The following CAMSAP3 variants were observed in gnomAD, a reference collection of about 807,000 sequenced individuals.
CAMSAP3 encodes the protein calmodulin-regulated spectrin-associated protein 3.
CAMSAP3 carries 34 observed loss-of-function variants against 112.5 expected under a neutral mutation model. The ratio of observed to expected loss-of-function variants is 0.30; its 90% CI spans 0.23 to 0.40. The LOEUF (loss-of-function observed/expected upper bound fraction) is 0.40. Ranked by LOEUF, CAMSAP3 falls within the 10% of genes least tolerant of loss-of-function variation. The pLI is 1.00. For synonymous variants in CAMSAP3, 868 were observed against 799.8 expected (o/e 1.09, Z -1.44); for missense variants, 1,602 against 1,770.3 (o/e 0.90, Z 1.71).
In CAMSAP3 at chr19:7,618,115, G is replaced by T; in HGVS notation, c.*58G>T. 1 of 1,554,564 alleles carries T rather than the reference G, an allele frequency of 6.4e-7. No individual in the cohort carries two copies. The highest frequency in any genetic ancestry group is 8.7e-7 in the Non-Finnish European group (1 of 1,147,390). On this transcript the variant is annotated 3_prime_UTR_variant, in exon 17 of 17. Transcript: ENST00000160298. Reference sequence around the variant, plus strand: ...TGTGCTGCGGCCGCCATCCCCTGGAGGACAGTCAGTCGGTATTCCTGGGTC... The same window carrying T: ...TGTGCTGCGGCCGCCATCCCCTGGATGACAGTCAGTCGGTATTCCTGGGTC...
In CAMSAP3 at chr19:7,606,327, A is replaced by G; in HGVS notation, c.459A>G (p.Thr153=). Residue 153 remains threonine (T), a synonymous_variant, in exon 3 of 17, where the codon ACA becomes ACG. Transcript: ENST00000160298. The part of the protein sequence containing the change: ...ALMAAFAFEW[T]KTLPGPLALT... ...TGGCTGCCTTTGCCTTCGAGTGGAC[A>G]AAGACCCTGCCAGGTCCCTTGGCCC... 2 of 1,613,844 alleles carry G rather than the reference A, an allele frequency of 1.2e-6. No individual in the cohort carries two copies. Among genetic ancestry groups the G allele is most frequent in the South Asian group, 2.2e-5 (2 of 91,080 alleles).
chr19:7,609,922 C>T (rs1465843161), intron 5 of CAMSAP3, among the ~76,000 whole-genome samples: 1 of 152,110 alleles, frequency 6.6e-6, no homozygotes, highest in African/African-American at 2.4e-5. Context: ...TGACGGGGAG[C>T]GGCTGTAAAT....
At chr19:7,605,784 T>C (rs959266707) in intron 2 of CAMSAP3, among the ~76,000 whole-genome samples, 1 of 150,364 alleles carries the variant, frequency 6.7e-6, no homozygotes, top group Admixed American at 6.6e-5. Context: ...TTAAGCTATG[T>C]CCATCAAACC....
At position 7,611,943 on chromosome 19, in the gene CAMSAP3, T is replaced by A; in HGVS notation, c.1450T>A (p.Tyr484Asn). 6.2e-7 allele frequency: 1 copy of A among 1,600,088 alleles called. No homozygotes were observed. Among genetic ancestry groups the A allele is most frequent in the African/African-American group, 1.3e-5 (1 of 74,742 alleles). The change falls in exon 11 of 17, where the codon TAC becomes AAC. Residue 484 changes from tyrosine (Y) to asparagine (N), a missense_variant. By Grantham distance (143) the Tyr-to-Asn change is moderately radical. Around this residue, in one of 6 missense-constraint regions of CAMSAP3, gnomAD observed 1,100 missense variants for 1,135.7 expected, o/e 0.97. Coordinates refer to ENST00000160298, the MANE Select transcript of CAMSAP3 (RefSeq NM_020902.2). The surrounding 1 kb of genome is among the most constrained non-coding windows in gnomAD (Gnocchi z 6.9). Reference protein sequence around the residue: ...LPDGAADGSFYLHSPEGPSKP... With the variant: ...LPDGAADGSFNLHSPEGPSKP... The stretch of plus-strand genomic sequence containing the variant: ...AGATGGGGCGGCCGACGGCAGCTTC[T>A]ACCTCCACTCCCCTGAGGGGCCCTC...
chr19:7,606,895 C>G, intron 4 of CAMSAP3: 1 of 1,469,248 alleles, frequency 6.8e-7, no homozygotes, highest in Non-Finnish European at 9.5e-7. Flanking sequence ...TGCCTGTCTG[C>G]GCGCCCTCTC....
chr19:7,606,850 TTGTAGCTC>T (rs1222125767), intron 4 of CAMSAP3: 1 of 1,606,094 alleles, frequency 6.2e-7, no homozygotes, highest in African/African-American at 1.3e-5. Context: ...CCTGCCCTGC[TTGTAGCTC>T]TGTCTGTCTG....
intron 11 of CAMSAP3, chr19:7,614,874 G>T (rs2030696315): frequency 8.1e-6 from 4 of 496,686 alleles, no homozygotes; most frequent in Non-Finnish European, 1.1e-5. Context: ...CCAGGCCGGG[G>T]TCCTCCCGCA....
chr19:7,599,396 C>T (rs1392129411), intron 1 of CAMSAP3, among the ~76,000 whole-genome samples: 1 of 140,290 alleles, frequency 7.1e-6, no homozygotes, highest in Non-Finnish European at 1.5e-5. Context: ...ACCCATCCAT[C>T]CACCCATTCA....
Position 7,606,491 on chromosome 19 carries a change from CA to C in CAMSAP3, c.542del (p.Gln181ArgfsTer46). Reference protein sequence around the residue: ...FWVDTTVRRLQEKTEQEAAQR... With the variant: ...FWVDTTVRRLXEKTEQEAAQR... ...TGCCCTCCAGACCGTCCGGCGGCTG[CA>C]GGAGAAGACCGAGCAGGAAGCGGCC... On this transcript the variant is annotated frameshift_variant, in exon 4 of 17. Transcript: ENST00000160298. LOFTEE classifies it high-confidence loss of function. 6.3e-7 allele frequency: 1 copy of C among 1,582,138 alleles called. No individual in the cohort carries two copies. Among genetic ancestry groups the C allele is most frequent in the East Asian group, 2.3e-5 (1 of 43,640 alleles).
In CAMSAP3 at chr19:7,611,612, A is replaced by AG; in HGVS notation, c.1193+31dup. 1.2e-6 allele frequency: 2 copies of AG among 1,607,710 alleles called. No homozygotes were observed. Among genetic ancestry groups the AG allele is most frequent in the Non-Finnish European group, 1.7e-6 (2 of 1,177,368 alleles). ...GTGAGTAGACCTCACAGGCCAGGGTAGGGGGTGGAGCAGGCTAGGGCGGGT... is the reference window on the plus strand; with the variant it reads ...GTGAGTAGACCTCACAGGCCAGGGTAGGGGGGTGGAGCAGGCTAGGGCGGGT... On this transcript the variant is annotated intron_variant, in intron 10 of 16. Transcript: ENST00000160298. This position sits in a 1 kb window ranked among gnomAD's most constrained non-coding sequence, Gnocchi z 6.9.
chr19:7,609,205 C>G (rs1450994822), intron 5 of CAMSAP3, among the ~76,000 whole-genome samples: 1 of 151,062 alleles, frequency 6.6e-6, no homozygotes, highest in African/African-American at 2.4e-5. Flanking sequence ...GTAATCCCAG[C>G]TACACAGGAG....
chr19:7,612,398 C>A lies in CAMSAP3; in HGVS notation c.1905C>A (p.Ser635Arg), dbSNP rs774028366. Residue 635 changes from serine (S) to arginine (R), a missense_variant, in exon 11 of 17, where the codon AGC (serine) becomes AGA (arginine). Coordinates refer to ENST00000160298, the MANE Select transcript of CAMSAP3 (RefSeq NM_020902.2). ...FAKHRQRLGK[S>R]AFLQVQPREA... ...AGCACCGCCAGCGGCTGGGCAAAAG[C>A]GCCTTCCTGCAGGTGCAGCCGCGGG... 2 of 1,595,922 alleles carry A rather than the reference C, an allele frequency of 1.3e-6. No homozygotes were observed. Among genetic ancestry groups the A allele is most frequent in the Non-Finnish European group, 1.7e-6 (2 of 1,174,162 alleles).
chr19:7,615,722 G>A lies in CAMSAP3; in HGVS notation c.3112+3G>A. 1 of 1,400,768 alleles carries A rather than the reference G, an allele frequency of 7.1e-7. No individual in the cohort carries two copies. Among genetic ancestry groups the A allele is most frequent in the South Asian group, 1.6e-5 (1 of 64,056 alleles). 86.8% of individuals were successfully genotyped at this position (1,400,768 alleles called of 1,614,324 possible). Reference sequence around the variant, plus strand: ...AAGCCCAGCCCGCGGCCTGCTGGGTGAGGACCCTTGGGGGACGGGGCCTGC... The same window carrying A: ...AAGCCCAGCCCGCGGCCTGCTGGGTAAGGACCCTTGGGGGACGGGGCCTGC... On this transcript the variant is annotated splice_donor_region_variant and intron_variant, in intron 13 of 16. Coordinates refer to ENST00000160298, the MANE Select transcript of CAMSAP3 (RefSeq NM_020902.2). This position sits in a 1 kb window ranked among gnomAD's most constrained non-coding sequence, Gnocchi z 6.5.
In CAMSAP3 at chr19:7,612,420, C is replaced by T. The variant is rs1306228130; in HGVS notation, c.1927C>T (p.Arg643Trp). The T allele has an allele frequency of 1.3e-6, 2 of 1,590,924 alleles. No homozygotes were observed. Among genetic ancestry groups the T allele is most frequent in the Admixed American group, 1.7e-5 (1 of 57,204 alleles). ...GKSAFLQVQP[R>W]EASGEAEAEA... ...AAGCGCCTTCCTGCAGGTGCAGCCG[C>T]GGGAAGCCTCTGGGGAGGCGGAAGC... Residue 643 changes from arginine to tryptophan, a missense_variant, in exon 11 of 17, where the codon CGG becomes TGG. This residue lies in a region of CAMSAP3 where 1,100 missense variants were observed against 1,135.7 expected (regional missense o/e 0.97). Transcript: ENST00000160298.
At chr19:7,604,815 G>A (rs2030123273) in intron 1 of CAMSAP3, among the ~76,000 whole-genome samples, 1 of 152,178 alleles carries the variant, frequency 6.6e-6, no homozygotes, top group East Asian at 1.9e-4. Flanking sequence ...TAGCGTTGAT[G>A]TAAGGCTCAG....
chr19:7,610,050 G>C lies in CAMSAP3; in HGVS notation c.761-426G>C, dbSNP rs942567946. On this transcript the variant is annotated intron_variant, in intron 5 of 16. Transcript: ENST00000160298. The surrounding 1 kb of genome is among the most constrained non-coding windows in gnomAD (Gnocchi z 4.9). ...ATAATTCACCTCGGCCGGGTACAGT[G>C]GCTCACGCCTGTAATCCCAGCACTT... 2.0e-5 allele frequency among the ~76,000 whole-genome samples: 3 copies of C among 152,262 alleles called. No individual in the cohort carries two copies. In the East Asian group the frequency reaches 5.8e-4, roughly 29 times the overall value.
At chr19:7,614,238 C>T (rs867741644) in intron 11 of CAMSAP3, among the ~76,000 whole-genome samples, 120 of 89,890 alleles carry the variant, frequency 1.3e-3, no homozygotes, top group African/African-American at 4.9e-3. Context: ...CCAGCCTGGG[C>T]AACAGAGCGA....
At position 7,605,342 on chromosome 19, in the gene CAMSAP3, C is replaced by A. The variant is rs1376510922; in HGVS notation, c.265C>A (p.Arg89Ser). 1.2e-6 allele frequency: 2 copies of A among 1,608,852 alleles called. No homozygotes were observed. The highest frequency in any genetic ancestry group is 1.7e-6 in the Non-Finnish European group (2 of 1,177,418). Residue 89 changes from arginine (R) to serine (S), a missense_variant, in exon 2 of 17, where the codon CGC (arginine) becomes AGC (serine). Physicochemically the swap from Arg to Ser is moderately radical, Grantham distance 110. Transcript: ENST00000160298. ...AGCCGAGCTCTACTGCAGAGCCTGG[C>A]GCCAGGCACTGCCACAGCTTGAAAC... ...LSAELYCRAW[R>S]QALPQLETPP...
At chr19:7,616,723 G>A (rs952613084) in intron 14 of CAMSAP3, 101 bp downstream of exon 14, 79 of 802,226 alleles carry the variant, frequency 9.8e-5, no homozygotes, top group Non-Finnish European at 1.2e-4. Context: ...GGTATGGCTC[G>A]AGTTTATGGA....
Sources: allele counts gnomAD v4.1 joint callset (sites outside exome capture counted in the v4.1 genomes callset), GRCh38; gene constraint gnomAD v4.1.1; regional missense constraint gnomAD v4.1.1; non-coding constraint Gnocchi (gnomAD v3.1); transcripts MANE v1.5; gene names NCBI Gene and HGNC (gene_info 2026-07-23, HGNC 2026-07-21).